APBA1: variants seen among roughly 807,000 people sequenced by gnomAD.
APBA1 encodes the protein amyloid-beta A4 precursor protein-binding family A member 1.
APBA1 carries 55 observed loss-of-function variants against 86.6 expected under a neutral mutation model. The ratio of observed to expected loss-of-function variants is 0.64; its 90% CI spans 0.51 to 0.80. APBA1 has a LOEUF of 0.80. Among genes scored for constraint, APBA1 ranks in the 30% least tolerant of loss-of-function variants. The pLI, the probability that APBA1 is intolerant of heterozygous loss-of-function variation, is 0.00. For synonymous variants in APBA1, 511 were observed against 493.9 expected, an observed-to-expected ratio of 1.03 and a Z score of -0.46; for missense variants, 1,090 against 1,183.0, an observed-to-expected ratio of 0.92 and a Z score of 1.15.
intron 1 of APBA1, among the ~76,000 whole-genome samples, chr9:69,581,447 T>C (rs1821912252): frequency 6.6e-6 from 1 of 152,178 alleles, no homozygotes; most frequent in Non-Finnish European, 1.5e-5. Flanking sequence ...GGGGATAAAT[T>C]ATTTTGTGAG....
chr9:69,456,159 G>T (rs1038315184), intron 8 of APBA1, 88 bp downstream of exon 8: 3 of 1,350,596 alleles, frequency 2.2e-6, no homozygotes, highest in Non-Finnish European at 3.2e-6. Flanking sequence ...ATAAATACAT[G>T]CATCATGTGT....
intron 1 of APBA1, among the ~76,000 whole-genome samples, chr9:69,643,489 A>G (rs10120847): frequency 3.5e-4 from 53 of 152,300 alleles, no homozygotes; most frequent in African/African-American, 1.3e-3. Context: ...CAAGACTGGC[A>G]CATCTCTCCT....
At chr9:69,594,721 C>T (rs1822196092) in intron 1 of APBA1, among the ~76,000 whole-genome samples, 1 of 152,068 alleles carries the variant, frequency 6.6e-6, no homozygotes, top group South Asian at 2.1e-4. Flanking sequence ...ATTGACTGCC[C>T]AAAGAGTTCT....
Position 69,476,037 on chromosome 9 carries a change from C to T in APBA1, c.1296+11G>A, listed in dbSNP as rs1835438841. ...TGGCCCAATGGCTTTGGTAACAAAA[C>T]AGCACCCTACCTCTTTATTAGTGGA... On this transcript the variant is annotated intron_variant, in intron 3 of 12. Transcript: ENST00000265381. 1 of 1,611,870 alleles carries T rather than the reference C, an allele frequency of 6.2e-7. No individual in the cohort carries two copies. Among genetic ancestry groups the T allele is most frequent in the Non-Finnish European group, 8.5e-7 (1 of 1,178,036 alleles).
At chr9:69,626,529 G>A (rs1003504628) in intron 1 of APBA1, among the ~76,000 whole-genome samples, 1 of 151,998 alleles carries the variant, frequency 6.6e-6, no homozygotes, top group African/African-American at 2.4e-5. Flanking sequence ...CAATATACAA[G>A]AATAAGAAAG....
intron 1 of APBA1, among the ~76,000 whole-genome samples, chr9:69,601,835 C>T (rs538579916): frequency 2.1e-3 from 316 of 152,308 alleles, no homozygotes; most frequent in African/African-American, 7.4e-3. Flanking sequence ...AAACTACTTT[C>T]CCGAAGAGAG....
chr9:69,614,680 C>G (rs1822666937), intron 1 of APBA1, among the ~76,000 whole-genome samples: 1 of 152,086 alleles, frequency 6.6e-6, no homozygotes, highest in South Asian at 2.1e-4. Flanking sequence ...AACAAATATT[C>G]TTAAATATAG....
chr9:69,617,867 C>T (rs955234049), intron 1 of APBA1, among the ~76,000 whole-genome samples: 2 of 152,070 alleles, frequency 1.3e-5, no homozygotes, highest in African/African-American at 4.8e-5. Flanking sequence ...TACTTTCTTG[C>T]CAATCAGAAG....
chr9:69,601,097 A>G (rs1822342476), intron 1 of APBA1, among the ~76,000 whole-genome samples: 1 of 152,090 alleles, frequency 6.6e-6, no homozygotes, highest in African/African-American at 2.4e-5. Flanking sequence ...TATTTTAATA[A>G]CAAACAAGAT....
chr9:69,557,394 T>G (rs1836878938), intron 1 of APBA1, among the ~76,000 whole-genome samples: 1 of 152,158 alleles, frequency 6.6e-6, no homozygotes, highest in South Asian at 2.1e-4. Context: ...TTACACAACT[T>G]CACCTAGAGG....
intron 1 of APBA1, among the ~76,000 whole-genome samples, chr9:69,518,282 C>T (rs1428864757): frequency 6.6e-6 from 1 of 152,096 alleles, no homozygotes; most frequent in East Asian, 1.9e-4. Flanking sequence ...TATGCAAATA[C>T]TATACCATTT....
intron 2 of APBA1, among the ~76,000 whole-genome samples, chr9:69,491,096 C>A (rs894821099): frequency 6.6e-6 from 1 of 152,092 alleles, no homozygotes; most frequent in African/African-American, 2.4e-5. Flanking sequence ...CCAGCCATCC[C>A]ATTACTGGGT....
intron 1 of APBA1, among the ~76,000 whole-genome samples, chr9:69,652,840 A>G (rs1823533333): frequency 6.6e-6 from 1 of 151,890 alleles, no homozygotes. Flanking sequence ...CTAAAAATAC[A>G]AAAAATTAGC....
At chr9:69,565,332 G>GA (rs1347287396) in intron 1 of APBA1, among the ~76,000 whole-genome samples, 1 of 152,096 alleles carries the variant, frequency 6.6e-6, no homozygotes, top group Admixed American at 6.6e-5. Context: ...CTGTGCCTCA[G>GA]CAAAACTGTG....
chr9:69,559,283 G>A (rs1836912466), intron 1 of APBA1, among the ~76,000 whole-genome samples: 1 of 152,104 alleles, frequency 6.6e-6, no homozygotes, highest in African/African-American at 2.4e-5. Context: ...GGTGCATAAT[G>A]TGCATGCATT....
intron 8 of APBA1, 111 bp downstream of exon 8, chr9:69,456,136 C>A: frequency 8.4e-7 from 1 of 1,193,668 alleles, no homozygotes; most frequent in Non-Finnish European, 1.2e-6. Flanking sequence ...GCCTGACACA[C>A]AGTACGTGCA....
chr9:69,604,063 A>G (rs1463118446), intron 1 of APBA1, among the ~76,000 whole-genome samples: 1 of 152,230 alleles, frequency 6.6e-6, no homozygotes, highest in African/African-American at 2.4e-5. Context: ...TTAAAAACAA[A>G]TCTGGAAACG....
At chr9:69,600,728 G>A (rs756232088) in intron 1 of APBA1, among the ~76,000 whole-genome samples, 3 of 151,820 alleles carry the variant, frequency 2.0e-5, no homozygotes, top group Non-Finnish European at 4.4e-5. Flanking sequence ...GGACCTGGGA[G>A]GTGGAGGTTG....
intron 1 of APBA1, among the ~76,000 whole-genome samples, chr9:69,596,183 C>T (rs1308518628): frequency 1.3e-5 from 2 of 152,070 alleles, no homozygotes; most frequent in Non-Finnish European, 1.5e-5. Flanking sequence ...GAGACAGTCT[C>T]GGTATGTTGC....
Sources: allele counts gnomAD v4.1 joint callset (sites outside exome capture counted in the v4.1 genomes callset), GRCh38; gene constraint gnomAD v4.1.1; transcripts MANE v1.5; gene names NCBI Gene and HGNC (gene_info 2026-07-23, HGNC 2026-07-21).